SMAD5: variants seen among roughly 807,000 people sequenced by gnomAD.
SMAD5 encodes the protein SMAD family member 5, also known as MAD, mothers against decapentaplegic homolog 5.
In SMAD5, 9 loss-of-function variants were observed where a neutral mutation model predicts 43.1. The ratio of observed to expected loss-of-function variants is 0.21; its 90% confidence interval spans 0.13 to 0.36. The LOEUF (loss-of-function observed/expected upper bound fraction) is 0.36, where lower values mean the gene tolerates loss of function less well. SMAD5 is among the 10% of genes least tolerant of loss of function. SMAD5 has a pLI of 1.00. For synonymous variants in SMAD5, 190 were observed against 192.4 expected (o/e 0.99, Z 0.10); for missense variants, 348 against 574.0 (o/e 0.61, Z 4.02).
chr5:136,148,671 C>T (rs1387930171), intron 2 of SMAD5, among the ~76,000 whole-genome samples: 1 of 151,584 alleles, frequency 6.6e-6, no homozygotes, highest in Non-Finnish European at 1.5e-5. Flanking sequence ...TCCTTTGGCA[C>T]CATCCAGAAG....
intron 1 of SMAD5, among the ~76,000 whole-genome samples, chr5:136,141,730 C>G (rs1024282036): frequency 1.3e-5 from 2 of 152,080 alleles, no homozygotes; most frequent in Non-Finnish European, 2.9e-5. Context: ...TTATGATAAT[C>G]ATTTCTGTAT....
chr5:136,163,333 G>C lies in SMAD5; in HGVS notation c.717G>C (p.Gln239His), dbSNP rs1322012918. Reference protein sequence around the residue: ...PDDQMGQDNSQPMDTSNNMIP... With the variant: ...PDDQMGQDNSHPMDTSNNMIP... ...ATCAGATGGGTCAAGATAATTCCCA[G>C]CCTATGGATACAAGCAATAATATGA... Residue 239 changes from glutamine to histidine, a missense_variant, in exon 5 of 8, where the codon CAG becomes CAC. Physicochemically the swap from Gln to His is conservative, Grantham distance 24. This residue lies in a region of SMAD5 where 185 missense variants were observed against 207.0 expected (regional missense o/e 0.89). Transcript: ENST00000545279. The C allele has an allele frequency of 6.2e-7, 1 of 1,611,620 alleles. No individual in the cohort carries two copies. Among genetic ancestry groups the C allele is most frequent in the Admixed American group, 1.7e-5 (1 of 59,964 alleles).
intron 3 of SMAD5, 114 bp from the exon 4 acceptor site, chr5:136,160,742 A>T: frequency 9.9e-7 from 1 of 1,006,860 alleles, no homozygotes; most frequent in Non-Finnish European, 1.5e-6. Context: ...TCTAAAAGTA[A>T]ATTGTTTTAA....
At chr5:136,135,350 A>T (rs1463490149) in intron 1 of SMAD5, among the ~76,000 whole-genome samples, 3 of 152,198 alleles carry the variant, frequency 2.0e-5, no homozygotes, top group Non-Finnish European at 4.4e-5. Context: ...TTAGATTACA[A>T]CCATAATTAT....
rs1754485498 is a variant in SMAD5 at position 136,177,963 on chromosome 5, A to G, written c.*483A>G. On this transcript the variant is annotated 3_prime_UTR_variant, in exon 8 of 8. Transcript: ENST00000545279. The stretch of plus-strand genomic sequence containing the variant: ...ACAATTCATTGTTTTGCAAAAGTGT[A>G]TGGTAGGGGCTTAAAAGAAACTATA... 1 of 153,714 alleles carries G rather than the reference A, an allele frequency of 6.5e-6. No homozygotes were observed. Among genetic ancestry groups the G allele is most frequent in the Non-Finnish European group, 1.4e-5 (1 of 69,142 alleles). 9.5% of individuals were successfully genotyped at this position (153,714 alleles called of 1,614,324 possible).
chr5:136,172,895 T>C, intron 6 of SMAD5: 1 of 500,730 alleles, frequency 2.0e-6, no homozygotes, highest in Non-Finnish European at 3.6e-6. Flanking sequence ...CCACTTTGTT[T>C]TTTGAGTGTT....
At chr5:136,158,199 C>T (rs183091961) in intron 3 of SMAD5, among the ~76,000 whole-genome samples, 7 of 151,922 alleles carry the variant, frequency 4.6e-5, no homozygotes, top group East Asian at 1.9e-4. Context: ...TGAAAGGGCT[C>T]AGTGACCAAG....
At chr5:136,164,008 C>A (rs1446286077) in intron 5 of SMAD5, among the ~76,000 whole-genome samples, 1 of 152,076 alleles carries the variant, frequency 6.6e-6, no homozygotes, top group Non-Finnish European at 1.5e-5. Context: ...TATGGTGAAA[C>A]CCCGTCTCTA....
chr5:136,145,463 G>T (rs539667004), intron 1 of SMAD5, among the ~76,000 whole-genome samples: 30 of 152,014 alleles, frequency 2.0e-4, no homozygotes, highest in African/African-American at 6.7e-4. Context: ...TTACATTCTT[G>T]ATGGCAGAAG....
chr5:136,173,907 C>T (rs1212514725), intron 6 of SMAD5, among the ~76,000 whole-genome samples: 1 of 151,522 alleles, frequency 6.6e-6, no homozygotes, highest in Non-Finnish European at 1.5e-5. Context: ...CATTTCAAAG[C>T]TCTTCTTATG....
intron 1 of SMAD5, among the ~76,000 whole-genome samples, chr5:136,138,526 G>T (rs971576088): frequency 2.6e-5 from 4 of 152,186 alleles, no homozygotes; most frequent in Admixed American, 6.5e-5. Context: ...GCGTGCAGTT[G>T]TGAATGTGGC....
intron 5 of SMAD5, among the ~76,000 whole-genome samples, chr5:136,165,662 ATTTTTTTTTTTTTTTTTTTTTTTT>A (rs58156387): frequency 1.5e-5 from 1 of 65,456 alleles, no homozygotes; most frequent in Non-Finnish European, 3.0e-5. Context: ...GAATCATACA[ATTTTTTTTTTTTTTTTTTTTTTTT>A]TTTTTTTTTT....
intron 1 of SMAD5, chr5:136,147,551 G>C (rs1343122759): frequency 2.6e-5 from 4 of 151,858 alleles, no homozygotes; most frequent in Non-Finnish European, 1.5e-5. Context: ...TCTGCAGCTG[G>C]ACTGCCAGGG....
chr5:136,177,731 A>G lies in SMAD5; in HGVS notation c.*251A>G, dbSNP rs917281382. 55 of 369,932 alleles carry G rather than the reference A, an allele frequency of 1.5e-4. No homozygotes were observed. The highest frequency in any genetic ancestry group is 4.7e-4 in the Admixed American group (11 of 23,358). 22.9% of individuals were successfully genotyped at this position (369,932 alleles called of 1,614,324 possible). A position where few individuals can be genotyped will look rare whatever the true frequency, so the allele number is the denominator to read the frequency against. ...TTATGCCCCAGTTCAGAAATTTGGC[A>G]TTGATCTTAAACTGGAACATGCTTT... On this transcript the variant is annotated 3_prime_UTR_variant, in exon 8 of 8. Transcript: ENST00000545279.
At chr5:136,168,457 C>T (rs1754095092) in intron 5 of SMAD5, among the ~76,000 whole-genome samples, 1 of 152,104 alleles carries the variant, frequency 6.6e-6, no homozygotes, top group Non-Finnish European at 1.5e-5. Flanking sequence ...TTTTGGTTCA[C>T]AGCAAAATTA....
chr5:136,149,863 C>G (rs1753394518), intron 2 of SMAD5, among the ~76,000 whole-genome samples: 1 of 151,842 alleles, frequency 6.6e-6, no homozygotes, highest in Non-Finnish European at 1.5e-5. Flanking sequence ...TCTCCCTGTG[C>G]TAGTTTTACT....
chr5:136,144,313 T>G (rs1753188565), intron 1 of SMAD5, among the ~76,000 whole-genome samples: 1 of 152,050 alleles, frequency 6.6e-6, no homozygotes. Flanking sequence ...TGAATTACTG[T>G]AACAAGACTT....
At chr5:136,154,950 C>T (rs1362245496) in intron 3 of SMAD5, among the ~76,000 whole-genome samples, 1 of 151,998 alleles carries the variant, frequency 6.6e-6, no homozygotes, top group Non-Finnish European at 1.5e-5. Flanking sequence ...CTGTTCTTGC[C>T]CCTCTTTGCT....
chr5:136,164,665 A>T (rs920579462), intron 5 of SMAD5, among the ~76,000 whole-genome samples: 1 of 151,896 alleles, frequency 6.6e-6, no homozygotes, highest in African/African-American at 2.4e-5. Flanking sequence ...CAGTCTGTGG[A>T]TTTCTTTTCA....
Sources: allele counts gnomAD v4.1 joint callset (sites outside exome capture counted in the v4.1 genomes callset), GRCh38; gene constraint gnomAD v4.1.1; regional missense constraint gnomAD v4.1.1; transcripts MANE v1.5; gene names NCBI Gene and HGNC (gene_info 2026-07-23, HGNC 2026-07-21).